Variants in UNC13C observed in about 807,000 individuals in gnomAD.
The protein encoded by UNC13C is protein unc-13 homolog C.
In UNC13C, 174 loss-of-function variants were observed where a neutral mutation model predicts 245.4. The ratio of observed to expected loss-of-function variants is 0.71; its 90% CI spans 0.63 to 0.80. UNC13C has a LOEUF of 0.80. UNC13C is among the 30% of genes least tolerant of loss of function. The probability of loss-of-function intolerance (pLI) is 0.00; values close to 1 mark genes in which losing one functional copy is unlikely to be tolerated. For synonymous variants in UNC13C, 992 were observed against 895.1 expected, an observed-to-expected ratio of 1.11 and a Z score of -1.93; for missense variants, 2,829 against 2,602.9, an observed-to-expected ratio of 1.09 and a Z score of -1.89.
intron 19 of UNC13C, among the ~76,000 whole-genome samples, chr15:54,442,752 T>C (rs1409449606): frequency 1.3e-5 from 2 of 152,140 alleles, no homozygotes; most frequent in East Asian, 1.9e-4. Flanking sequence ...TGAGCTATCA[T>C]GGCATTCCTG....
the UNC13C span, among the ~76,000 whole-genome samples, chr15:53,957,229 C>T: frequency 2.0e-3 from 303 of 152,242 alleles, no homozygotes; most frequent in African/African-American, 7.0e-3. Context: ...GCAACCTCCA[C>T]CTCCTGGGTT....
In UNC13C at chr15:54,013,634, A is replaced by C. The variant is rs765729042; in HGVS notation, c.731A>C (p.Glu244Ala). ...GCISQTHDVMEMIFKELQGIS... is the reference protein window; with the variant it reads ...GCISQTHDVMAMIFKELQGIS... Reference sequence around the variant, plus strand: ...ATTAGCCAAACACATGATGTCATGGAAATGATCTTTAAGGAACTTCAGGGA... The same window carrying C: ...ATTAGCCAAACACATGATGTCATGGCAATGATCTTTAAGGAACTTCAGGGA... Residue 244 changes from glutamate (E) to alanine (A), a missense_variant, in exon 2 of 33, where the codon GAA becomes GCA. Coordinates refer to ENST00000260323, the MANE Select transcript of UNC13C (RefSeq NM_001080534.3). 1 of 1,613,766 alleles carries C rather than the reference A, an allele frequency of 6.2e-7. No individual in the cohort carries two copies. The highest frequency in any genetic ancestry group is 8.5e-7 in the Non-Finnish European group (1 of 1,179,802).
intron 2 of UNC13C, among the ~76,000 whole-genome samples, chr15:54,095,658 C>T (rs867530870): frequency 2.0e-4 from 30 of 152,240 alleles, no homozygotes; most frequent in African/African-American, 7.0e-4. Context: ...GGTGCCCAGG[C>T]GATTTATATT....
chr15:54,012,344 G>A (rs1199351352), intron 1 of UNC13C, among the ~76,000 whole-genome samples: 1 of 152,022 alleles, frequency 6.6e-6, no homozygotes, highest in Non-Finnish European at 1.5e-5. Flanking sequence ...AGTCAATATG[G>A]CTGTATAAAT....
intron 17 of UNC13C, among the ~76,000 whole-genome samples, chr15:54,339,019 A>G (rs1277761414): frequency 6.6e-6 from 1 of 152,170 alleles, no homozygotes; most frequent in Non-Finnish European, 1.5e-5. Flanking sequence ...GGCATGAGCC[A>G]GCATTCCCAG....
intron 13 of UNC13C, among the ~76,000 whole-genome samples, chr15:54,312,852 G>C (rs1289614720): frequency 6.6e-6 from 1 of 151,800 alleles, no homozygotes; most frequent in East Asian, 1.9e-4. Flanking sequence ...TAGTGTTTTA[G>C]GAGTTTATAT....
intron 17 of UNC13C, among the ~76,000 whole-genome samples, chr15:54,353,343 T>A (rs2039025188): frequency 6.6e-6 from 1 of 152,152 alleles, no homozygotes; most frequent in Non-Finnish European, 1.5e-5. Flanking sequence ...TAATATGGTT[T>A]CTGTTAGAAA....
chr15:53,859,260 T>C, the UNC13C span, among the ~76,000 whole-genome samples: 2 of 152,166 alleles, frequency 1.3e-5, no homozygotes, highest in African/African-American at 4.8e-5. Context: ...TTTGTATAAT[T>C]ATTGCTAGAT....
the UNC13C span, among the ~76,000 whole-genome samples, chr15:53,935,631 T>C: frequency 3.1e-4 from 47 of 152,220 alleles, no homozygotes; most frequent in African/African-American, 8.9e-4. Context: ...GGTTCTCACA[T>C]TGGGACTGAC....
chr15:54,525,751 C>G, intron 25 of UNC13C, 114 bp downstream of exon 25: 2 of 829,868 alleles, frequency 2.4e-6, no homozygotes, highest in Non-Finnish European at 3.9e-6. Flanking sequence ...CTTCAAGACC[C>G]AATCTAAATG....
At chr15:54,290,417 A>G (rs1276388976) in intron 10 of UNC13C, among the ~76,000 whole-genome samples, 1 of 152,122 alleles carries the variant, frequency 6.6e-6, no homozygotes, top group Non-Finnish European at 1.5e-5. Flanking sequence ...AAAAATGAAA[A>G]AAACAGTCAA....
chr15:54,491,933 A>G (rs1893731167), intron 19 of UNC13C, among the ~76,000 whole-genome samples: 1 of 151,348 alleles, frequency 6.6e-6, no homozygotes, highest in Non-Finnish European at 1.5e-5. Flanking sequence ...CGGAGCTTGT[A>G]GTAAGCCGAG....
intron 2 of UNC13C, among the ~76,000 whole-genome samples, chr15:54,133,492 C>T (rs1595893456): frequency 6.6e-6 from 1 of 152,122 alleles, no homozygotes; most frequent in Non-Finnish European, 1.5e-5. Flanking sequence ...TACAAACTTA[C>T]TTTAATCCCA....
At chr15:54,070,674 A>G (rs1244819497) in intron 2 of UNC13C, among the ~76,000 whole-genome samples, 1 of 152,148 alleles carries the variant, frequency 6.6e-6, no homozygotes, top group African/African-American at 2.4e-5. Context: ...ATGTGACAAA[A>G]GACAGGGCCC....
chr15:54,631,502 G>GACAA (rs1204540680), downstream of UNC13C: 2 of 152,086 alleles, frequency 1.3e-5, no homozygotes, highest in Non-Finnish European at 2.9e-5. Flanking sequence ...CCACTTTATA[G>GACAA]ACAAACACTT....
intron 30 of UNC13C, among the ~76,000 whole-genome samples, chr15:54,616,400 G>A (rs1049732744): frequency 1.3e-5 from 2 of 151,846 alleles, no homozygotes; most frequent in African/African-American, 2.4e-5. Context: ...ACATGTTTGT[G>A]GTAATGATGG....
the UNC13C span, among the ~76,000 whole-genome samples, chr15:53,927,985 A>G: frequency 9.9e-5 from 15 of 152,198 alleles, no homozygotes; most frequent in African/African-American, 3.6e-4. Flanking sequence ...TCAAAGTTTG[A>G]CAACTTCAGA....
intron 17 of UNC13C, among the ~76,000 whole-genome samples, chr15:54,387,819 C>G (rs1384592148): frequency 6.6e-6 from 1 of 152,140 alleles, no homozygotes; most frequent in Non-Finnish European, 1.5e-5. Context: ...TTACATCTAT[C>G]TTGCTTTCCT....
In UNC13C at chr15:54,379,502, C is replaced by CT. The variant is rs567032627; in HGVS notation, c.4714-13540dup. On this transcript the variant is annotated intron_variant, in intron 17 of 32. Transcript: ENST00000260323. ...TTATCTTTTATAGCCTTTATTATAC[C>CT]TTTTTTAATACCTTTATTATAAGTT... is the stretch of plus-strand genomic sequence containing the variant. 1.4e-4 allele frequency among the ~76,000 whole-genome samples: 22 copies of CT among 151,938 alleles called. No homozygotes were observed. In the East Asian group the frequency reaches 4.3e-3, roughly 29 times the overall value.
Sources: allele counts gnomAD v4.1 joint callset (sites outside exome capture counted in the v4.1 genomes callset), GRCh38; gene constraint gnomAD v4.1.1; transcripts MANE v1.5; gene names NCBI Gene and HGNC (gene_info 2026-07-23, HGNC 2026-07-21).